Variants in HYDIN observed in about 807,000 individuals in gnomAD.
HYDIN encodes HYDIN axonemal central pair apparatus protein.
In HYDIN, 132 loss-of-function variants were observed where a neutral mutation model predicts 403.9. The ratio of observed to expected loss-of-function variants is 0.33; its 90% CI spans 0.28 to 0.38. The LOEUF is 0.38. Ranked by LOEUF, HYDIN falls within the 10% of genes least tolerant of loss-of-function variation. The pLI, the probability that HYDIN is intolerant of heterozygous loss-of-function variation, is 1.00. For synonymous variants in HYDIN, 1,202 were observed against 1,891.7 expected (o/e 0.64, Z 9.46); for missense variants, 2,827 against 5,009.5 (o/e 0.56, Z 13.15).
chr16:71,073,774 C>A (rs62040274), intron 13 of HYDIN, among the ~76,000 whole-genome samples: 44,806 of 151,950 alleles, frequency 0.29, 8,255 homozygotes, highest in Non-Finnish European at 0.41. Context: ...ATTCTTTAAC[C>A]CATCCAAGGA....
intron 1 of HYDIN, among the ~76,000 whole-genome samples, chr16:71,204,835 T>A (rs887290736): frequency 2.6e-5 from 4 of 152,104 alleles, no homozygotes; most frequent in African/African-American, 9.7e-5. Flanking sequence ...AGGAAAACAA[T>A]AAGATATTCT....
chr16:71,153,364 G>A (rs979475495), intron 6 of HYDIN, among the ~76,000 whole-genome samples: 1 of 151,850 alleles, frequency 6.6e-6, no homozygotes, highest in Non-Finnish European at 1.5e-5. Flanking sequence ...AAAAGGGTGG[G>A]AGGGGTGTAG....
intron 78 of HYDIN, among the ~76,000 whole-genome samples, chr16:70,835,325 C>A (rs2037350531): frequency 6.6e-6 from 1 of 151,964 alleles, no homozygotes; most frequent in African/African-American, 2.4e-5. Context: ...CAGAGTCATG[C>A]ATGCACAAAG....
At chr16:71,120,754 A>C (rs1396875625) in intron 9 of HYDIN, among the ~76,000 whole-genome samples, 2 of 146,114 alleles carry the variant, frequency 1.4e-5, no homozygotes, top group African/African-American at 2.5e-5. Flanking sequence ...CCCCCCTCCC[A>C]AAAAAAAAAC....
At chr16:71,019,807 G>T (rs2080411807) in intron 22 of HYDIN, among the ~76,000 whole-genome samples, 1 of 152,208 alleles carries the variant, frequency 6.6e-6, no homozygotes, top group Non-Finnish European at 1.5e-5. Flanking sequence ...TACAAAAATG[G>T]AATTAGACTA....
Position 70,850,656 on chromosome 16 carries a change from C to T in HYDIN, c.12444-1G>A, listed in dbSNP as rs1396390185. ...TGTGAAGAAAATATCAATTGGGAACCTGGTTGGGGAACAAAACAGCAGATT... is the reference window on the plus strand; with the variant it reads ...TGTGAAGAAAATATCAATTGGGAACTTGGTTGGGGAACAAAACAGCAGATT... On this transcript the variant is annotated splice_acceptor_variant, in intron 73 of 85. Coordinates refer to ENST00000393567, the MANE Select transcript of HYDIN (RefSeq NM_001270974.2). LOFTEE classifies it high-confidence loss of function. The T allele has an allele frequency of 5.0e-6, 8 of 1,613,378 alleles. No homozygotes were observed. In the South Asian group the frequency reaches 7.7e-5, roughly 16 times the overall value.
At chr16:71,026,919 T>C (rs1228211886) in intron 20 of HYDIN, among the ~76,000 whole-genome samples, 1 of 152,102 alleles carries the variant, frequency 6.6e-6, no homozygotes, top group Non-Finnish European at 1.5e-5. Flanking sequence ...TCATTTCTCA[T>C]CTACAAGGTC....
intron 41 of HYDIN, among the ~76,000 whole-genome samples, chr16:70,949,108 C>A (rs557606630): frequency 4.6e-5 from 7 of 152,008 alleles, no homozygotes; most frequent in Admixed American, 1.3e-4. Context: ...CACATAGACA[C>A]CATGGAATAC....
chr16:71,065,408 A>G (rs1021487800), intron 15 of HYDIN, among the ~76,000 whole-genome samples: 2 of 139,118 alleles, frequency 1.4e-5, no homozygotes, highest in Non-Finnish European at 3.1e-5. Context: ...AGGTGGGGGG[A>G]GAGGGAGGGA....
At chr16:70,956,089 G>A (rs1211151619) in intron 39 of HYDIN, among the ~76,000 whole-genome samples, 1 of 152,030 alleles carries the variant, frequency 6.6e-6, no homozygotes, top group Non-Finnish European at 1.5e-5. Flanking sequence ...CAAAGTGCTG[G>A]GATTACAGGT....
intron 1 of HYDIN, among the ~76,000 whole-genome samples, chr16:71,229,534 C>A (rs916183215): frequency 6.6e-6 from 1 of 152,202 alleles, no homozygotes; most frequent in Non-Finnish European, 1.5e-5. Flanking sequence ...GCTGATGGTA[C>A]ATCCATTCAA....
chr16:70,864,008 C>T (rs1190318919), intron 67 of HYDIN, among the ~76,000 whole-genome samples: 4 of 150,952 alleles, frequency 2.6e-5, no homozygotes, highest in African/African-American at 9.6e-5. Context: ...TCAGCAGAGG[C>T]TTTTCCTGCC....
intron 1 of HYDIN, among the ~76,000 whole-genome samples, chr16:71,190,764 C>G (rs1039090943): frequency 5.9e-5 from 9 of 152,144 alleles, no homozygotes; most frequent in African/African-American, 2.2e-4. Flanking sequence ...GCATTATGTG[C>G]CTCCTGATGT....
chr16:70,824,742 T>C (rs1175358610), intron 83 of HYDIN, among the ~76,000 whole-genome samples: 1 of 151,936 alleles, frequency 6.6e-6, no homozygotes, highest in African/African-American at 2.4e-5. Flanking sequence ...ATTACAGGCA[T>C]GAGCCACTGC....
Position 71,182,480 on chromosome 16 carries a change from A to C in HYDIN, c.261+2385T>G, listed in dbSNP as rs746834562. ...TGTGAAGGCAGAATTCATAGCACTT[A>C]TCATTGGATCATAAGATGTAAAATA... On this transcript the variant is annotated intron_variant, in intron 3 of 85. Coordinates refer to ENST00000393567, the MANE Select transcript of HYDIN (RefSeq NM_001270974.2). 1.4e-4 allele frequency among the ~76,000 whole-genome samples: 22 copies of C among 152,142 alleles called. 1 individual carries two copies. Among genetic ancestry groups the C allele is most frequent in the Non-Finnish European group, 2.9e-4 (20 of 68,028 alleles).
At chr16:70,922,283 C>T (rs1318738752) in intron 45 of HYDIN, among the ~76,000 whole-genome samples, 6 of 152,260 alleles carry the variant, frequency 3.9e-5, no homozygotes, top group Non-Finnish European at 8.8e-5. Context: ...TCTGCCAAGA[C>T]ACCTGGGTTT....
At chr16:70,944,097 C>T (rs116562114) in intron 41 of HYDIN, 148 bp from the exon 42 acceptor site, 16,044 of 632,554 alleles carry the variant, frequency 0.025, no homozygotes, top group African/African-American at 0.088. Flanking sequence ...AATGGAAGGA[C>T]CCTGTCTTCC....
chr16:70,907,202 T>C (rs1265876528), intron 50 of HYDIN, among the ~76,000 whole-genome samples, 170 bp downstream of exon 50: 2 of 152,158 alleles, frequency 1.3e-5, no homozygotes, highest in Non-Finnish European at 2.9e-5. Context: ...TTCCTCTGGG[T>C]GTCCAGCAGG....
intron 78 of HYDIN, among the ~76,000 whole-genome samples, chr16:70,834,943 CAT>C (rs548840865): frequency 2.2e-3 from 321 of 144,246 alleles, no homozygotes; most frequent in Middle Eastern, 0.018. Flanking sequence ...TATATACACA[CAT>C]ATATGTATAT....
Sources: gnomAD v4.1 joint callset for allele counts (sites outside exome capture counted in the v4.1 genomes callset) on GRCh38, gnomAD v4.1.1 for gene constraint, MANE v1.5 for transcripts, NCBI Gene and HGNC (gene_info 2026-07-23, HGNC 2026-07-21) for gene names.